PITPNC1: variants seen among roughly 807,000 people sequenced by gnomAD.
PITPNC1 encodes the protein phosphatidylinositol transfer protein cytoplasmic 1.
A neutral mutation model predicts 44.7 loss-of-function variants in PITPNC1; 18 were observed. That is an observed-to-expected ratio of 0.40 (90% CI 0.28 to 0.60). The LOEUF is 0.60. Ranked by LOEUF, PITPNC1 falls within the 20% of genes least tolerant of loss-of-function variation. The pLI, the probability that PITPNC1 is intolerant of heterozygous loss-of-function variation, is 0.39. For missense variants in PITPNC1, 290 were observed against 418.4 expected (o/e 0.69, Z 2.68); for synonymous variants, 141 against 149.6 (o/e 0.94, Z 0.42).
chr17:67,422,869 G>T (rs1208630695), intron 1 of PITPNC1, among the ~76,000 whole-genome samples: 1 of 152,076 alleles, frequency 6.6e-6, no homozygotes, highest in Non-Finnish European at 1.5e-5. Context: ...TAGTTTGCAG[G>T]GTAGTGTATG....
At chr17:67,429,281 T>C (rs1598650995) in intron 1 of PITPNC1, among the ~76,000 whole-genome samples, 1 of 152,334 alleles carries the variant, frequency 6.6e-6, no homozygotes, top group East Asian at 1.9e-4. Flanking sequence ...GATGGGTAAA[T>C]TGAAAGCTAG....
intron 5 of PITPNC1, among the ~76,000 whole-genome samples, chr17:67,623,319 A>G (rs1256782375): frequency 6.6e-6 from 1 of 152,088 alleles, no homozygotes; most frequent in African/African-American, 2.4e-5. Flanking sequence ...CTAGGCTTGC[A>G]CCTTCCCCAC....
chr17:67,623,078 C>T (rs2041853202), intron 5 of PITPNC1, among the ~76,000 whole-genome samples: 1 of 121,424 alleles, frequency 8.2e-6, no homozygotes, highest in Non-Finnish European at 1.6e-5. Context: ...GTGTCTTCCT[C>T]AATTGCTTCC....
intron 1 of PITPNC1, among the ~76,000 whole-genome samples, chr17:67,488,234 C>T (rs889947633): frequency 2.0e-5 from 3 of 152,224 alleles, no homozygotes; most frequent in African/African-American, 7.2e-5. Flanking sequence ...AAAGTCCCCA[C>T]GATAAAGTTA....
intron 6 of PITPNC1, among the ~76,000 whole-genome samples, chr17:67,636,861 A>G (rs2042039018): frequency 6.6e-6 from 1 of 151,944 alleles, no homozygotes; most frequent in African/African-American, 2.4e-5. Context: ...GATAATTAAC[A>G]CCCTCCACCC....
intron 5 of PITPNC1, among the ~76,000 whole-genome samples, chr17:67,588,210 G>A (rs1261905049): frequency 6.6e-6 from 1 of 152,034 alleles, no homozygotes; most frequent in Admixed American, 6.6e-5. Flanking sequence ...CACCATGTTG[G>A]CCACGCTGAT....
At chr17:67,662,806 G>A (rs964128830) in intron 6 of PITPNC1, among the ~76,000 whole-genome samples, 1 of 152,082 alleles carries the variant, frequency 6.6e-6, no homozygotes. Context: ...GATACAGGGG[G>A]TACATGTGCA....
chr17:67,657,888 C>G (rs568009811), intron 6 of PITPNC1, among the ~76,000 whole-genome samples: 15 of 152,318 alleles, frequency 9.8e-5, no homozygotes, highest in African/African-American at 3.4e-4. Flanking sequence ...CACTGGTGTT[C>G]CATTTTTAAT....
chr17:67,617,072 C>T (rs558209387), intron 5 of PITPNC1, among the ~76,000 whole-genome samples: 1 of 152,324 alleles, frequency 6.6e-6, no homozygotes, highest in South Asian at 2.1e-4. Flanking sequence ...TTCCTGCACA[C>T]ATTTAATAAC....
intron 6 of PITPNC1, among the ~76,000 whole-genome samples, chr17:67,649,330 C>T (rs974627975): frequency 6.6e-6 from 1 of 152,316 alleles, no homozygotes; most frequent in South Asian, 2.1e-4. Context: ...TGAAGGAGCC[C>T]ATGGCTAGGG....
intron 5 of PITPNC1, among the ~76,000 whole-genome samples, chr17:67,623,441 G>A (rs1342771834): frequency 2.6e-5 from 4 of 152,106 alleles, no homozygotes; most frequent in Non-Finnish European, 2.9e-5. Context: ...GTACAATGGC[G>A]TGATCTTGGC....
At chr17:67,595,628 A>G (rs535026865) in intron 5 of PITPNC1, among the ~76,000 whole-genome samples, 5 of 152,198 alleles carry the variant, frequency 3.3e-5, no homozygotes, top group African/African-American at 1.2e-4. Flanking sequence ...TTAACCATGC[A>G]GTGTGTCAGC....
intron 6 of PITPNC1, among the ~76,000 whole-genome samples, chr17:67,649,422 T>C (rs2042185445): frequency 6.6e-6 from 1 of 152,244 alleles, no homozygotes; most frequent in Non-Finnish European, 1.5e-5. Flanking sequence ...CAGGTAATAG[T>C]GGGCTACTTT....
At chr17:67,690,605 G>A (rs1329610867) in intron 8 of PITPNC1, among the ~76,000 whole-genome samples, 1 of 152,108 alleles carries the variant, frequency 6.6e-6, no homozygotes, top group Admixed American at 6.5e-5. Flanking sequence ...GTACATGGCA[G>A]TGGACAAGAA....
intron 1 of PITPNC1, among the ~76,000 whole-genome samples, chr17:67,394,096 C>G (rs1413876740): frequency 1.3e-5 from 2 of 152,080 alleles, no homozygotes; most frequent in Non-Finnish European, 2.9e-5. Context: ...TCTCAGCTTC[C>G]CAAAGTGCTG....
intron 1 of PITPNC1, chr17:67,471,585 C>T (rs561135194): frequency 1.4e-5 from 5 of 366,930 alleles, no homozygotes; most frequent in South Asian, 1.1e-4. Context: ...TCTTCCCTCT[C>T]TCTGGATTTG....
At chr17:67,470,792 C>T (rs1454290409) in intron 1 of PITPNC1, among the ~76,000 whole-genome samples, 2 of 150,700 alleles carry the variant, frequency 1.3e-5, no homozygotes, top group African/African-American at 4.9e-5. Flanking sequence ...ATTGAGAAAT[C>T]GGATGGTTGC....
chr17:67,393,962 C>A (rs533070909), intron 1 of PITPNC1, among the ~76,000 whole-genome samples: 77 of 152,146 alleles, frequency 5.1e-4, no homozygotes, highest in African/African-American at 1.7e-3. Context: ...CTCAGCCTCG[C>A]GAGTAGCTGA....
chr17:67,453,427 G>C (rs911234087), intron 1 of PITPNC1, among the ~76,000 whole-genome samples: 4 of 152,210 alleles, frequency 2.6e-5, no homozygotes, highest in Non-Finnish European at 5.9e-5. Context: ...TTGTGGAGCA[G>C]CTTGGGAGAG....
Sources: gnomAD v4.1 joint callset for allele counts (sites outside exome capture counted in the v4.1 genomes callset) on GRCh38, gnomAD v4.1.1 for gene constraint, MANE v1.5 for transcripts, NCBI Gene and HGNC (gene_info 2026-07-23, HGNC 2026-07-21) for gene names.